SNURF: variants seen among roughly 807,000 people sequenced by gnomAD.
SNURF encodes the protein SNRPN upstream open reading frame.
Under a neutral mutation model 11.6 loss-of-function variants are expected in SNURF, and 6 were observed. The ratio of observed to expected loss-of-function variants is 0.52; its 90% CI spans 0.28 to 1.02. SNURF has a LOEUF of 1.02. Ranked by LOEUF, SNURF falls within the 50% of genes least tolerant of loss-of-function variation. SNURF has a pLI of 0.09. For missense variants in SNURF, 84 were observed against 88.4 expected, an observed-to-expected ratio of 0.95 and a Z score of 0.20; for synonymous variants, 29 against 31.6, an observed-to-expected ratio of 0.92 and a Z score of 0.27.
intron 2 of SNURF, among the ~76,000 whole-genome samples, chr15:24,963,863 C>T (rs984554990): frequency 2.8e-4 from 43 of 151,790 alleles, no homozygotes; most frequent in African/African-American, 9.7e-4. Flanking sequence ...AGAGAGACCT[C>T]CTCTCTACAG....
chr15:24,961,206 G>T (rs1386257530), intron 1 of SNURF, among the ~76,000 whole-genome samples: 2 of 152,160 alleles, frequency 1.3e-5, no homozygotes, highest in Non-Finnish European at 2.9e-5. Context: ...AATCAAATAT[G>T]TGTGTATGGC....
At chr15:24,959,737 A>T (rs1250787600) in intron 1 of SNURF, among the ~76,000 whole-genome samples, 2 of 152,224 alleles carry the variant, frequency 1.3e-5, no homozygotes, top group African/African-American at 4.8e-5. Flanking sequence ...TGGCTGAAAG[A>T]CATTCGTTTG....
chr15:24,968,839 GATTT>G (rs2076029538), downstream of SNURF: 1 of 152,074 alleles, frequency 6.6e-6, no homozygotes, highest in Non-Finnish European at 1.5e-5. Flanking sequence ...ATGTGATGTA[GATTT>G]ATTTAGTTCT....
At chr15:24,978,138 C>T, downstream of SNURF, 1 of 1,573,418 alleles carries the variant, frequency 6.4e-7, no homozygotes, top group Admixed American at 1.8e-5. Context: ...GGGCTAAATT[C>T]TAACTTTTCT....
At chr15:24,956,839 G>A (rs1297954156) in intron 1 of SNURF, among the ~76,000 whole-genome samples, 1 of 152,184 alleles carries the variant, frequency 6.6e-6, no homozygotes, top group African/African-American at 2.4e-5. Context: ...GCCTGTGTGG[G>A]ATGGCAGCTG....
At chr15:24,969,200 C>T (rs1031100304), downstream of SNURF, among the ~76,000 whole-genome samples, 16 of 152,118 alleles carry the variant, frequency 1.1e-4, no homozygotes, top group African/African-American at 3.9e-4. Context: ...ATGGTTTCGG[C>T]TCACTGCAAC....
chr15:24,969,490 T>A (rs373016790), downstream of SNURF, among the ~76,000 whole-genome samples: 1 of 152,212 alleles, frequency 6.6e-6, no homozygotes, highest in Non-Finnish European at 1.5e-5. Context: ...TCTTGAATCC[T>A]TTATACACAA....
intron 5 of SNURF, chr15:24,976,741 G>T (rs2077104601): frequency 1.3e-6 from 1 of 782,474 alleles, no homozygotes; most frequent in East Asian, 2.6e-5. Context: ...ATACTTGCTT[G>T]TTTGTTCATT....
chr15:24,963,265 G>A (rs1350940156), intron 2 of SNURF, among the ~76,000 whole-genome samples: 1 of 152,172 alleles, frequency 6.6e-6, no homozygotes, highest in Non-Finnish European at 1.5e-5. Flanking sequence ...CTTGCTGCTG[G>A]ATATTTAGTT....
downstream of SNURF, among the ~76,000 whole-genome samples, chr15:24,972,139 C>G (rs559491105): frequency 6.6e-6 from 1 of 151,700 alleles, no homozygotes; most frequent in Non-Finnish European, 1.5e-5. Flanking sequence ...GCCTGTAATC[C>G]TAGCTACTCA....
chr15:24,956,807 G>A (rs544023069), intron 1 of SNURF, among the ~76,000 whole-genome samples: 1 of 152,246 alleles, frequency 6.6e-6, no homozygotes, highest in Non-Finnish European at 1.5e-5. Context: ...GTGGCTAGAG[G>A]CCAGGCATTT....
At chr15:24,960,191 C>T (rs2074541274) in intron 1 of SNURF, among the ~76,000 whole-genome samples, 2 of 152,038 alleles carry the variant, frequency 1.3e-5, no homozygotes, top group Admixed American at 1.3e-4. Flanking sequence ...AATATTACTT[C>T]ATCTAGCAGT....
intron 5 of SNURF, chr15:24,976,799 A>C: frequency 7.7e-7 from 1 of 1,304,956 alleles, no homozygotes; most frequent in Admixed American, 2.1e-5. Context: ...AATGGTGGAG[A>C]GAAGTGATCT....
chr15:24,978,277 T>TGCCGCCTCCGGGAATGAG, downstream of SNURF: 2 of 1,614,194 alleles, frequency 1.2e-6, no homozygotes, highest in Non-Finnish European at 1.7e-6. Flanking sequence ...CCAATAGGCA[T>TGCCGCCTCCGGGAATGAG]GCCGCCTCCG....
At chr15:24,975,150 C>T (rs1026041859) in intron 3 of SNURF, among the ~76,000 whole-genome samples, 3 of 152,006 alleles carry the variant, frequency 2.0e-5, no homozygotes, top group African/African-American at 7.3e-5. Context: ...AAAATTGGTT[C>T]TTGAGATGTG....
downstream of SNURF, chr15:24,978,593 G>T: frequency 1.3e-6 from 1 of 763,290 alleles, no homozygotes; most frequent in South Asian, 1.6e-5. Flanking sequence ...AGGTACTGTT[G>T]TATATATTTT....
At chr15:24,975,274 T>C in intron 3 of SNURF, 14 of 1,065,222 alleles carry the variant, frequency 1.3e-5, no homozygotes, top group Admixed American at 2.0e-5. Flanking sequence ...GCTTAGATTA[T>C]GTAAGGGTGG....
At chr15:24,978,504 A>T (rs950043802), downstream of SNURF, 79 of 1,487,812 alleles carry the variant, frequency 5.3e-5, no homozygotes, top group Non-Finnish European at 6.6e-5. Context: ...GAAATTGTGT[A>T]GAGTGTTTGT....
downstream of SNURF, among the ~76,000 whole-genome samples, chr15:24,970,208 T>G (rs2076225399): frequency 6.6e-6 from 1 of 152,176 alleles, no homozygotes; most frequent in Non-Finnish European, 1.5e-5. Context: ...TGGGTAGTCT[T>G]TAACAACATT....
Sources: gnomAD v4.1 joint callset for allele counts (sites outside exome capture counted in the v4.1 genomes callset) on GRCh38, gnomAD v4.1.1 for gene constraint, MANE v1.5 for transcripts, NCBI Gene and HGNC (gene_info 2026-07-23, HGNC 2026-07-21) for gene names.